The following SSBP2 variants were observed in gnomAD, a reference collection of about 807,000 sequenced individuals.
The protein encoded by SSBP2 is single stranded DNA binding protein 2.
A neutral mutation model predicts 61.8 loss-of-function variants in SSBP2; 17 were observed. The observed-to-expected ratio is 0.28, with a 90% CI of 0.19 to 0.41. The LOEUF is 0.41. Among genes scored for constraint, SSBP2 ranks in the 10% least tolerant of loss-of-function variants. The probability of loss-of-function intolerance (pLI) is 1.00; values close to 1 mark genes in which losing one functional copy is unlikely to be tolerated. For missense variants in SSBP2, 310 were observed against 458.7 expected (o/e 0.68, Z 2.96); for synonymous variants, 139 against 141.3 (o/e 0.98, Z 0.12).
intron 4 of SSBP2, among the ~76,000 whole-genome samples, chr5:81,598,836 A>G (rs981652318): frequency 3.3e-5 from 5 of 152,118 alleles, no homozygotes; most frequent in African/African-American, 1.2e-4. Context: ...CAACCTTTAA[A>G]ATGGCATACT....
chr5:81,530,102 G>A (rs1221693467), intron 4 of SSBP2, among the ~76,000 whole-genome samples: 1 of 151,910 alleles, frequency 6.6e-6, no homozygotes, highest in Non-Finnish European at 1.5e-5. Flanking sequence ...GTAACATTAT[G>A]GTTTTCAAAA....
intron 9 of SSBP2, among the ~76,000 whole-genome samples, chr5:81,465,454 C>T (rs1018555684): frequency 2.0e-5 from 3 of 151,860 alleles, no homozygotes; most frequent in African/African-American, 7.2e-5. Context: ...TTTAATCTCT[C>T]AATGGTCACA....
At chr5:81,540,982 T>C (rs1419814784) in intron 4 of SSBP2, among the ~76,000 whole-genome samples, 1 of 151,834 alleles carries the variant, frequency 6.6e-6, no homozygotes, top group Non-Finnish European at 1.5e-5. Flanking sequence ...TATCTCTCTA[T>C]GCAAACAATG....
At chr5:81,714,864 C>T (rs997959175) in intron 1 of SSBP2, among the ~76,000 whole-genome samples, 3 of 151,940 alleles carry the variant, frequency 2.0e-5, no homozygotes, top group East Asian at 1.9e-4. Context: ...GCAACGGCAA[C>T]AAAAGCCAAA....
At chr5:81,711,232 TAAAAC>T (rs1754756240) in intron 1 of SSBP2, among the ~76,000 whole-genome samples, 1 of 152,036 alleles carries the variant, frequency 6.6e-6, no homozygotes, top group Non-Finnish European at 1.5e-5. Flanking sequence ...TTCTTAGAAC[TAAAAC>T]AAAAGAAACA....
At chr5:81,666,162 C>T (rs1751117658) in intron 1 of SSBP2, among the ~76,000 whole-genome samples, 1 of 152,164 alleles carries the variant, frequency 6.6e-6, no homozygotes, top group South Asian at 2.1e-4. Context: ...GTCAAAATCT[C>T]TGCCAATGGA....
At chr5:81,689,073 G>A (rs550007985) in intron 1 of SSBP2, among the ~76,000 whole-genome samples, 3 of 151,890 alleles carry the variant, frequency 2.0e-5, no homozygotes, top group South Asian at 2.1e-4. Flanking sequence ...GTTGAAAAAC[G>A]CAACTGACAT....
intron 4 of SSBP2, among the ~76,000 whole-genome samples, chr5:81,589,712 G>A (rs1212849162): frequency 6.6e-6 from 1 of 152,054 alleles, no homozygotes; most frequent in Admixed American, 6.5e-5. Flanking sequence ...ATAACAGAAC[G>A]CCAGAGACAG....
chr5:81,739,247 C>T (rs1468543342), intron 1 of SSBP2, among the ~76,000 whole-genome samples: 4 of 146,292 alleles, frequency 2.7e-5, no homozygotes, highest in African/African-American at 5.1e-5. Flanking sequence ...TGAAATAGTT[C>T]GTATTTAATC....
chr5:81,425,072 T>C (rs1284929905), intron 16 of SSBP2, among the ~76,000 whole-genome samples: 1 of 152,254 alleles, frequency 6.6e-6, no homozygotes, highest in Non-Finnish European at 1.5e-5. Context: ...TTATTTTAAA[T>C]GTATACCAAC....
intron 12 of SSBP2, among the ~76,000 whole-genome samples, chr5:81,445,137 T>A (rs1250797988): frequency 4.3e-5 from 2 of 46,582 alleles, no homozygotes; most frequent in African/African-American, 2.4e-4. Context: ...AAAAAAAAAT[T>A]TTATATATAT....
At chr5:81,511,713 ACT>A (rs1204882729) in intron 5 of SSBP2, among the ~76,000 whole-genome samples, 1 of 152,046 alleles carries the variant, frequency 6.6e-6, no homozygotes, top group Non-Finnish European at 1.5e-5. Flanking sequence ...TTTAAACTTT[ACT>A]CTGTTACAAC....
chr5:81,669,681 G>A (rs1299672885), intron 1 of SSBP2, among the ~76,000 whole-genome samples: 2 of 151,774 alleles, frequency 1.3e-5, no homozygotes, highest in Admixed American at 6.6e-5. Flanking sequence ...TGAGGGGAGG[G>A]AACTTAGAGG....
At chr5:81,604,683 T>A (rs1055280982) in intron 4 of SSBP2, among the ~76,000 whole-genome samples, 1 of 152,176 alleles carries the variant, frequency 6.6e-6, no homozygotes, top group African/African-American at 2.4e-5. Context: ...AATATAAACA[T>A]GATGCATTAG....
intron 5 of SSBP2, among the ~76,000 whole-genome samples, chr5:81,500,316 C>T (rs1378854473): frequency 2.6e-5 from 4 of 151,576 alleles, no homozygotes; most frequent in African/African-American, 7.3e-5. Context: ...CGGGTTCAAG[C>T]GATTCTCCTG....
rs114441878 is a variant in SSBP2 at position 81,460,237 on chromosome 5, T to C, written c.687+818A>G. Among the ~76,000 whole-genome samples the C allele has an allele frequency of 5.4e-3, 821 of 152,288 alleles. 5 individuals carry two copies. The highest frequency in any genetic ancestry group is 0.018 in the African/African-American group (767 of 41,560). On this transcript the variant is annotated intron_variant, in intron 10 of 16. Transcript: ENST00000320672. ...AGCATCCTCTTTGCGTAGATGCCCA[T>C]TGACTTCACAAGGGGATCACAGGTT...
intron 4 of SSBP2, among the ~76,000 whole-genome samples, chr5:81,532,975 T>C (rs1770532646): frequency 6.6e-6 from 1 of 151,926 alleles, no homozygotes; most frequent in East Asian, 1.9e-4. Flanking sequence ...CAACAACCGA[T>C]AGTAGACAGA....
rs572731736 is a variant in SSBP2 at position 81,686,667 on chromosome 5, C to T, written c.63-36328G>A. Among the ~76,000 whole-genome samples, 3 of 151,586 alleles carry T rather than the reference C, an allele frequency of 2.0e-5. No individual in the cohort carries two copies. In the South Asian group the frequency reaches 6.2e-4, roughly 32 times the overall value. ...GTCAGGAGTTCAAAACAAGCCTGGCCAGTATGGTGAAACCCCGTCTCTACT... is the reference window on the plus strand; with the variant it reads ...GTCAGGAGTTCAAAACAAGCCTGGCTAGTATGGTGAAACCCCGTCTCTACT... On this transcript the variant is annotated intron_variant, in intron 1 of 16. Coordinates refer to ENST00000320672, the MANE Select transcript of SSBP2 (RefSeq NM_012446.5).
At chr5:81,601,695 T>G (rs1001134491) in intron 4 of SSBP2, among the ~76,000 whole-genome samples, 3 of 152,164 alleles carry the variant, frequency 2.0e-5, no homozygotes, top group South Asian at 2.1e-4. Context: ...ACCATCCCAA[T>G]ATAAAATATA....
Sources: allele counts gnomAD v4.1 joint callset (sites outside exome capture counted in the v4.1 genomes callset), GRCh38; gene constraint gnomAD v4.1.1; transcripts MANE v1.5; gene names NCBI Gene and HGNC (gene_info 2026-07-23, HGNC 2026-07-21).